The following CSMD1 variants were observed in gnomAD, a reference collection of about 807,000 sequenced individuals.
CSMD1 encodes CUB and Sushi multiple domains 1.
In CSMD1, 213 loss-of-function variants were observed where a neutral mutation model predicts 417.5. The ratio of observed to expected loss-of-function variants is 0.51; its 90% CI spans 0.46 to 0.57. The LOEUF is 0.57. CSMD1 is among the 20% of genes least tolerant of loss of function. The pLI is 0.00. For synonymous variants in CSMD1, 2,862 were observed against 1,736.8 expected (o/e 1.65, Z -16.11); for missense variants, 6,923 against 4,529.7 (o/e 1.53, Z -15.17).
chr8:3,617,010 C>G (rs1168553065), intron 7 of CSMD1, among the ~76,000 whole-genome samples: 1 of 152,016 alleles, frequency 6.6e-6, no homozygotes, highest in African/African-American at 2.4e-5. Context: ...GGATGATAAT[C>G]TTTGGTTTTA....
intron 1 of CSMD1, among the ~76,000 whole-genome samples, chr8:4,888,287 C>T (rs775548141): frequency 6.6e-6 from 1 of 152,018 alleles, no homozygotes; most frequent in Non-Finnish European, 1.5e-5. Flanking sequence ...GTTAAATACA[C>T]ACCCTCTCCT....
chr8:3,738,036 C>G (rs970351631), intron 6 of CSMD1, among the ~76,000 whole-genome samples: 3 of 152,168 alleles, frequency 2.0e-5, no homozygotes, highest in Admixed American at 6.5e-5. Context: ...GTCTCCCTTT[C>G]TGGTGTCTGT....
chr8:4,176,215 G>C (rs1026768006), intron 3 of CSMD1, among the ~76,000 whole-genome samples: 4 of 152,064 alleles, frequency 2.6e-5, no homozygotes, highest in Admixed American at 2.6e-4. Flanking sequence ...ATGTGGCTCT[G>C]TAGGCTATAT....
At chr8:4,126,097 A>ACAG (rs1375598490) in intron 3 of CSMD1, among the ~76,000 whole-genome samples, 4 of 152,006 alleles carry the variant, frequency 2.6e-5, no homozygotes, top group Non-Finnish European at 4.4e-5. Context: ...AGACAGCAAG[A>ACAG]AAAACTCACT....
At chr8:4,004,987 G>C (rs1270556913) in intron 4 of CSMD1, among the ~76,000 whole-genome samples, 2 of 152,048 alleles carry the variant, frequency 1.3e-5, no homozygotes, top group African/African-American at 2.4e-5. Context: ...CTCGTGATCT[G>C]CCAGCCTCAG....
intron 26 of CSMD1, among the ~76,000 whole-genome samples, chr8:3,270,403 A>C (rs1801753745): frequency 6.6e-6 from 1 of 152,080 alleles, no homozygotes; most frequent in Admixed American, 6.6e-5. Context: ...GATTATTTTA[A>C]AGCAGTGAAA....
At chr8:3,451,456 A>G (rs1033253162) in intron 12 of CSMD1, among the ~76,000 whole-genome samples, 1 of 152,180 alleles carries the variant, frequency 6.6e-6, no homozygotes, top group Non-Finnish European at 1.5e-5. Context: ...TAGGGCTAAC[A>G]TTTAAGTGTC....
At chr8:4,101,276 T>C (rs994746572) in intron 3 of CSMD1, among the ~76,000 whole-genome samples, 8 of 152,222 alleles carry the variant, frequency 5.3e-5, no homozygotes, top group African/African-American at 1.9e-4. Context: ...CACTTTGGTG[T>C]TCTTCCAAAC....
intron 10 of CSMD1, among the ~76,000 whole-genome samples, chr8:3,522,034 G>T (rs578134344): frequency 1.3e-5 from 2 of 152,170 alleles, no homozygotes; most frequent in Admixed American, 6.5e-5. Flanking sequence ...TTACATTAGA[G>T]TATTGCCTGT....
At chr8:4,327,429 T>A (rs945814785) in intron 3 of CSMD1, among the ~76,000 whole-genome samples, 1 of 152,242 alleles carries the variant, frequency 6.6e-6, no homozygotes, top group African/African-American at 2.4e-5. Context: ...ACTGGCACAA[T>A]CAGTCGGATT....
intron 10 of CSMD1, among the ~76,000 whole-genome samples, chr8:3,569,551 C>G (rs1310682313): frequency 6.6e-6 from 1 of 152,208 alleles, no homozygotes; most frequent in African/African-American, 2.4e-5. Flanking sequence ...GTCAAACACA[C>G]AAATTGAAGT....
At chr8:4,312,336 A>G (rs958077651) in intron 3 of CSMD1, among the ~76,000 whole-genome samples, 2 of 150,036 alleles carry the variant, frequency 1.3e-5, no homozygotes, top group Admixed American at 6.7e-5. Flanking sequence ...TTTAAAAGCA[A>G]TTTAAACTCC....
Position 4,813,604 on chromosome 8 carries a change from T to A in CSMD1, c.86-176046A>T, listed in dbSNP as rs531347603. Among the ~76,000 whole-genome samples the A allele has an allele frequency of 2.0e-5, 3 of 152,318 alleles. No individual in the cohort carries two copies. In the South Asian group the frequency reaches 6.2e-4, roughly 32 times the overall value. ...TCAAAGTTCAAATCTCTGGCAAACA[T>A]CTTTGCCATGTTTCTAAAAGGGTCT... On this transcript the variant is annotated intron_variant, in intron 1 of 69. Coordinates refer to ENST00000635120, the MANE Select transcript of CSMD1 (RefSeq NM_033225.6).
intron 1 of CSMD1, among the ~76,000 whole-genome samples, chr8:4,945,694 C>G (rs1044697138): frequency 6.6e-6 from 1 of 151,950 alleles, no homozygotes; most frequent in African/African-American, 2.4e-5. Flanking sequence ...TTGGCATTAA[C>G]AAAGACAAAG....
chr8:4,074,180 ATTAG>A (rs1351637307), intron 3 of CSMD1, among the ~76,000 whole-genome samples: 1 of 152,116 alleles, frequency 6.6e-6, no homozygotes, highest in Admixed American at 6.6e-5. Flanking sequence ...TATGGTCCAA[ATTAG>A]TTAATGTCAC....
At chr8:3,684,696 C>G (rs1252047748) in intron 7 of CSMD1, among the ~76,000 whole-genome samples, 1 of 151,060 alleles carries the variant, frequency 6.6e-6, no homozygotes, top group Non-Finnish European at 1.5e-5. Flanking sequence ...CTCGCAGGTT[C>G]ACGCCATTCT....
intron 6 of CSMD1, among the ~76,000 whole-genome samples, chr8:3,737,685 TTTC>T (rs1302610261): frequency 6.6e-6 from 1 of 152,194 alleles, no homozygotes; most frequent in Non-Finnish European, 1.5e-5. Context: ...TCAATTACAA[TTTC>T]TTGTCTTCAC....
chr8:4,452,805 A>C (rs1178920863), intron 2 of CSMD1, among the ~76,000 whole-genome samples: 2 of 152,160 alleles, frequency 1.3e-5, no homozygotes, highest in Non-Finnish European at 2.9e-5. Context: ...AATAACAAAA[A>C]TCCCCCAGTC....
chr8:4,098,862 A>T (rs574145344), intron 3 of CSMD1, among the ~76,000 whole-genome samples: 1 of 152,294 alleles, frequency 6.6e-6, no homozygotes, highest in African/African-American at 2.4e-5. Flanking sequence ...TCACTCATTC[A>T]TTTATTCCCG....
Sources: allele counts gnomAD v4.1 joint callset (sites outside exome capture counted in the v4.1 genomes callset), GRCh38; gene constraint gnomAD v4.1.1; transcripts MANE v1.5; gene names NCBI Gene and HGNC (gene_info 2026-07-23, HGNC 2026-07-21).